Variants in SOSTDC1 observed in about 807,000 individuals in gnomAD.
SOSTDC1 encodes sclerostin domain-containing protein 1.
In SOSTDC1, 7 loss-of-function variants were observed where a neutral mutation model predicts 15.1. The ratio of observed to expected loss-of-function variants is 0.46; its 90% CI spans 0.26 to 0.87. The LOEUF is 0.87. Ranked by LOEUF, SOSTDC1 falls within the 40% of genes least tolerant of loss-of-function variation. The pLI, the probability that SOSTDC1 is intolerant of heterozygous loss-of-function variation, is 0.15. For synonymous variants in SOSTDC1, 94 were observed against 93.2 expected (o/e 1.01, Z -0.05); for missense variants, 242 against 259.2 (o/e 0.93, Z 0.46).
intron 1 of SOSTDC1, chr7:16,464,378 C>A (rs1341646988): frequency 3.9e-6 from 6 of 1,550,338 alleles, no homozygotes; most frequent in Non-Finnish European, 5.2e-6. Context: ...TCTCGTCAAG[C>A]TTTCTGTTCC....
Position 16,462,845 on chromosome 7 carries a change from T to C in SOSTDC1, c.324A>G (p.Pro108=), listed in dbSNP as rs1175430351. 1.9e-6 allele frequency: 3 copies of C among 1,614,074 alleles called. No homozygotes were observed. In the African/African-American group the frequency reaches 4.0e-5, roughly 22 times the overall value. Residue 108 remains proline, a synonymous_variant, in exon 2 of 2, where the codon CCA becomes CCG. Transcript: ENST00000307068. ...LVCAGECLPL[P]VLPNWIGGGY... is the part of the protein sequence containing the mutation. ...CTCCTCCAATCCAGTTAGGGAGCAC[T>C]GGCAGGGGCAAGCACTCGCCAGCAC... is the stretch of plus-strand genomic sequence containing the variant.
intron 1 of SOSTDC1, 35 bp downstream of exon 1, chr7:16,465,429 G>GAAA: frequency 1.4e-6 from 2 of 1,402,330 alleles, no homozygotes; most frequent in Non-Finnish European, 2.0e-6. Context: ...TACCAGAAAA[G>GAAA]AAAAAAAAAA....
intron 1 of SOSTDC1, among the ~76,000 whole-genome samples, chr7:16,463,927 T>C (rs1373387735): frequency 6.6e-6 from 1 of 152,196 alleles, no homozygotes; most frequent in Non-Finnish European, 1.5e-5. Flanking sequence ...TTCCTTACCC[T>C]TGCTTTGTTA....
Position 16,462,222 on chromosome 7 carries a change from A to C in SOSTDC1, c.*326T>G, listed in dbSNP as rs147465856. Reference sequence around the variant, plus strand: ...GCCAGTAGATGGAGGGTATCTGAGAAGCCCTTTTCTGTTTTAAAATATAAT... The same window carrying C: ...GCCAGTAGATGGAGGGTATCTGAGACGCCCTTTTCTGTTTTAAAATATAAT... On this transcript the variant is annotated 3_prime_UTR_variant, in exon 2 of 2. Coordinates refer to ENST00000307068, the MANE Select transcript of SOSTDC1 (RefSeq NM_015464.3). The C allele has an allele frequency of 0.011, 2,313 of 215,154 alleles. 25 individuals are homozygous for C. The highest frequency in any genetic ancestry group is 0.021 in the Middle Eastern group (12 of 568). 13.3% of individuals were successfully genotyped at this position (215,154 alleles called of 1,614,324 possible). A position where few individuals can be genotyped will look rare whatever the true frequency, so the allele number is the denominator to read the frequency against.
At chr7:16,464,981 A>G (rs1356703672) in intron 1 of SOSTDC1, among the ~76,000 whole-genome samples, 6 of 152,176 alleles carry the variant, frequency 3.9e-5, no homozygotes, top group Admixed American at 3.3e-4. Flanking sequence ...TAGAAATCCA[A>G]TGTAAACAAA....
chr7:16,464,696 A>T (rs16878761), intron 1 of SOSTDC1, among the ~76,000 whole-genome samples: 11,996 of 151,824 alleles, frequency 0.079, 658 homozygotes, highest in East Asian at 0.27. Flanking sequence ...TTATTAGCAT[A>T]TGGCCTCTTC....
Position 16,462,862 on chromosome 7 carries a change from C to G in SOSTDC1, c.307G>C (p.Glu103Gln). ...SPLKELVCAG[E>Q]CLPLPVLPNW... ...GGGAGCACTGGCAGGGGCAAGCACT[C>G]GCCAGCACACACCAGCTCCTTCAGA... is the stretch of plus-strand genomic sequence containing the variant. Residue 103 changes from glutamate (E) to glutamine (Q), a missense_variant, in exon 2 of 2, where the codon GAG (glutamate) becomes CAG (glutamine). Glu to Gln is a conservative substitution (Grantham distance 29). Coordinates refer to ENST00000307068, the MANE Select transcript of SOSTDC1 (RefSeq NM_015464.3). The G allele has an allele frequency of 6.2e-7, 1 of 1,614,118 alleles. No individual in the cohort carries two copies. Among genetic ancestry groups the G allele is most frequent in the Non-Finnish European group, 8.5e-7 (1 of 1,180,014 alleles).
chr7:16,462,337 T>G lies in SOSTDC1; in HGVS notation c.*211A>C. On this transcript the variant is annotated 3_prime_UTR_variant, in exon 2 of 2. Coordinates refer to ENST00000307068, the MANE Select transcript of SOSTDC1 (RefSeq NM_015464.3). ...ACGTGGAATTTAAATGCAAATTGCA[T>G]TCATGGATATACCTACATCTTGAAA... 1 of 546,496 alleles carries G rather than the reference T, an allele frequency of 1.8e-6. No individual in the cohort carries two copies. The highest frequency in any genetic ancestry group is 3.3e-6 in the Non-Finnish European group (1 of 307,358). 33.9% of individuals were successfully genotyped at this position (546,496 alleles called of 1,614,324 possible). A position where few individuals can be genotyped will look rare whatever the true frequency, so the allele number is the denominator to read the frequency against.
At position 16,462,727 on chromosome 7, in the gene SOSTDC1, G is replaced by T; in HGVS notation, c.442C>A (p.Gln148Lys). Residue 148 changes from glutamine (Q) to lysine (K), a missense_variant, in exon 2 of 2, where the codon CAA (glutamine) becomes AAA (lysine). Gln to Lys is a moderately conservative substitution (Grantham distance 53). Transcript: ENST00000307068. ...TRTQRIQLQC[Q>K]DGSTRTYKIT... ...TTGTAGGTGCGTGTGCTGCCATCTT[G>T]GCACTGCAGCTGGATTCTCTGGGTA... 1.9e-6 allele frequency: 3 copies of T among 1,614,168 alleles called. No homozygotes were observed. Among genetic ancestry groups the T allele is most frequent in the Non-Finnish European group, 2.5e-6 (3 of 1,180,020 alleles).
chr7:16,464,501 A>C, intron 1 of SOSTDC1: 1 of 697,070 alleles, frequency 1.4e-6, no homozygotes, highest in Non-Finnish European at 2.5e-6. Flanking sequence ...CTTAAAAGCA[A>C]CCAGCTTCGT....
chr7:16,465,324 C>T, intron 1 of SOSTDC1, 140 bp downstream of exon 1: 1 of 708,010 alleles, frequency 1.4e-6, no homozygotes, highest in Non-Finnish European at 2.3e-6. Flanking sequence ...TGCCAACCTG[C>T]ACATGCAGCA....
intron 1 of SOSTDC1, among the ~76,000 whole-genome samples, chr7:16,464,632 T>G (rs1214249920): frequency 6.9e-6 from 1 of 144,778 alleles, no homozygotes; most frequent in African/African-American, 2.6e-5. Flanking sequence ...AAGATTTGTG[T>G]AAGATTTCCT....
Position 16,464,883 on chromosome 7 carries a change from G to C in SOSTDC1, c.205+581C>G, listed in dbSNP as rs146674037. Reference sequence around the variant, plus strand: ...AATGGGACAACAAGGAATTATTTTAGAAAAATGTGATTCTCCAACATTTTT... The same window carrying C: ...AATGGGACAACAAGGAATTATTTTACAAAAATGTGATTCTCCAACATTTTT... On this transcript the variant is annotated intron_variant, in intron 1 of 1. Transcript: ENST00000307068. Among the ~76,000 whole-genome samples, 688 of 152,232 alleles carry C rather than the reference G, an allele frequency of 4.5e-3. 2 individuals are homozygous for C. Among genetic ancestry groups the C allele is most frequent in the Non-Finnish European group, 7.3e-3 (498 of 67,992 alleles).
At position 16,465,611 on chromosome 7, in the gene SOSTDC1, T is replaced by C; in HGVS notation, c.58A>G (p.Ser20Gly). 3 of 1,614,060 alleles carry C rather than the reference T, an allele frequency of 1.9e-6. No homozygotes were observed. Among genetic ancestry groups the C allele is most frequent in the Non-Finnish European group, 2.5e-6 (3 of 1,179,994 alleles). Residue 20 changes from serine to glycine, a missense_variant, in exon 1 of 2, where the codon AGC (serine) becomes GGC (glycine). Transcript: ENST00000307068. ...GCATCATTTTTAAAAGCCAAACAGCTTTTCATTAGGATGCATGCAAGGGGA... is the reference window on the plus strand; with the variant it reads ...GCATCATTTTTAAAAGCCAAACAGCCTTTCATTAGGATGCATGCAAGGGGA... ...LLPLACILMK[S>G]CLAFKNDATE...
At position 16,462,422 on chromosome 7, in the gene SOSTDC1, G is replaced by T; in HGVS notation, c.*126C>A. ...CCTGATACTTAAGACAGCTTGCTGG[G>T]TTTGATCAAAGCAGAAAGCATATAC... On this transcript the variant is annotated 3_prime_UTR_variant, in exon 2 of 2. Transcript: ENST00000307068. The T allele has an allele frequency of 9.5e-7, 1 of 1,048,324 alleles. No homozygotes were observed. The highest frequency in any genetic ancestry group is 1.4e-6 in the Non-Finnish European group (1 of 710,230). The allele number at this position is 1,048,324 out of a possible 1,614,324, so 64.9% of individuals were successfully genotyped here.
At position 16,462,463 on chromosome 7, in the gene SOSTDC1, C is replaced by G; in HGVS notation, c.*85G>C. ...AAGCATATACTTTCAAGTGAGAAAA[C>G]AGCAGTGGCAGGCTTGAGTCTTCCA... is the stretch of plus-strand genomic sequence containing the variant. On this transcript the variant is annotated 3_prime_UTR_variant, in exon 2 of 2. Transcript: ENST00000307068. 1 of 1,391,470 alleles carries G rather than the reference C, an allele frequency of 7.2e-7. No homozygotes were observed. Among genetic ancestry groups the G allele is most frequent in the East Asian group, 2.3e-5 (1 of 43,496 alleles). 86.2% of individuals were successfully genotyped at this position (1,391,470 alleles called of 1,614,324 possible).
At chr7:16,465,192 A>G (rs1183999619) in intron 1 of SOSTDC1, among the ~76,000 whole-genome samples, 1 of 152,224 alleles carries the variant, frequency 6.6e-6, no homozygotes, top group Non-Finnish European at 1.5e-5. Context: ...TTTTGACAAA[A>G]CAATAGTTTA....
chr7:16,464,285 C>T (rs1781258878), intron 1 of SOSTDC1: 13 of 1,480,140 alleles, frequency 8.8e-6, no homozygotes, highest in Non-Finnish European at 9.2e-6. Context: ...GGACAGTGTG[C>T]TCAGCGTGCC....
chr7:16,462,335 C>T lies in SOSTDC1; in HGVS notation c.*213G>A, dbSNP rs1460927692. 5.6e-6 allele frequency: 3 copies of T among 532,648 alleles called. No homozygotes were observed. Among genetic ancestry groups the T allele is most frequent in the Non-Finnish European group, 1.0e-5 (3 of 299,422 alleles). The allele number at this position is 532,648 out of a possible 1,614,324, so 33.0% of individuals were successfully genotyped here. A position where few individuals can be genotyped will look rare whatever the true frequency, so the allele number is the denominator to read the frequency against. On this transcript the variant is annotated 3_prime_UTR_variant, in exon 2 of 2. Coordinates refer to ENST00000307068, the MANE Select transcript of SOSTDC1 (RefSeq NM_015464.3). ...ATACGTGGAATTTAAATGCAAATTG[C>T]ATTCATGGATATACCTACATCTTGA...
Sources: gnomAD v4.1 joint callset for allele counts (sites outside exome capture counted in the v4.1 genomes callset) on GRCh38, gnomAD v4.1.1 for gene constraint, MANE v1.5 for transcripts, NCBI Gene and HGNC (gene_info 2026-07-23, HGNC 2026-07-21) for gene names.